LRP1B: variants seen among roughly 807,000 people sequenced by gnomAD.
The protein encoded by LRP1B is LDL receptor related protein 1B.
Under a neutral mutation model 556.6 loss-of-function variants are expected in LRP1B, and 217 were observed. The ratio of observed to expected loss-of-function variants is 0.39; its 90% CI spans 0.35 to 0.44. LRP1B has a LOEUF of 0.44. LRP1B is among the 20% of genes least tolerant of loss of function. The probability of loss-of-function intolerance (pLI) is 1.00; values close to 1 mark genes in which losing one functional copy is unlikely to be tolerated. For missense variants in LRP1B, 5,053 were observed against 5,620.8 expected, an observed-to-expected ratio of 0.90 and a Z score of 3.23; for synonymous variants, 2,047 against 1,865.8, an observed-to-expected ratio of 1.10 and a Z score of -2.50.
intron 1 of LRP1B, among the ~76,000 whole-genome samples, chr2:141,909,083 A>T (rs192708257): frequency 7.6e-4 from 116 of 152,208 alleles, no homozygotes; most frequent in Non-Finnish European, 4.0e-4. Context: ...CAAAGGGTGT[A>T]TTAGGGAAAA....
At chr2:141,331,541 T>TTTCTTTCTTTCTTTCTTTTTCTTTCTTTC (rs141339943) in intron 3 of LRP1B, among the ~76,000 whole-genome samples, 1 of 144,648 alleles carries the variant, frequency 6.9e-6, no homozygotes, top group African/African-American at 2.7e-5. Flanking sequence ...TCTTTCTTTC[T>TTTCTTTCTTTCTTTCTTTTTCTTTCTTTC]TTCTTTCTTT....
chr2:140,532,148 C>T (rs16856029), intron 47 of LRP1B, among the ~76,000 whole-genome samples: 9,206 of 152,034 alleles, frequency 0.061, 462 homozygotes, highest in African/African-American at 0.14. Context: ...AAATGCAAAC[C>T]ATCCTTATTG....
Position 141,377,208 on chromosome 2 carries a change from C to T in LRP1B, c.343+103188G>A, listed in dbSNP as rs548562153. Among the ~76,000 whole-genome samples, 96 of 151,924 alleles carry T rather than the reference C, an allele frequency of 6.3e-4. 1 individual carries two copies. In the South Asian group the frequency reaches 7.5e-3, roughly 12 times the overall value. On this transcript the variant is annotated intron_variant, in intron 3 of 90. Transcript: ENST00000389484. ...CATGTTTCATTCCAAATTTGTTTCC[C>T]GATCAAATATATTTTCGAAATATAT... is the stretch of plus-strand genomic sequence containing the variant.
intron 1 of LRP1B, among the ~76,000 whole-genome samples, chr2:141,987,397 A>G (rs1256742348): frequency 1.3e-5 from 2 of 151,954 alleles, no homozygotes; most frequent in Admixed American, 6.6e-5. Context: ...AGTACCTTCT[A>G]TAAGTGCAAA....
intron 1 of LRP1B, among the ~76,000 whole-genome samples, chr2:141,820,510 A>G (rs1250834714): frequency 6.6e-6 from 1 of 152,202 alleles, no homozygotes; most frequent in Admixed American, 6.5e-5. Flanking sequence ...TCACTCATCT[A>G]TGATAAACCC....
At chr2:141,575,944 T>C (rs547423482) in intron 2 of LRP1B, among the ~76,000 whole-genome samples, 2 of 152,108 alleles carry the variant, frequency 1.3e-5, no homozygotes, top group Non-Finnish European at 2.9e-5. Context: ...AAATAATAGA[T>C]GCTGGCGAGG....
At chr2:141,104,369 T>C (rs1289724275) in intron 7 of LRP1B, among the ~76,000 whole-genome samples, 3 of 152,092 alleles carry the variant, frequency 2.0e-5, no homozygotes, top group Non-Finnish European at 2.9e-5. Context: ...TGTAAATTTC[T>C]TAGAAAGACT....
intron 2 of LRP1B, among the ~76,000 whole-genome samples, chr2:141,701,477 T>C (rs1186301591): frequency 1.3e-5 from 2 of 151,790 alleles, no homozygotes; most frequent in Admixed American, 1.3e-4. Flanking sequence ...CCTTCTATTC[T>C]TATGTCCCTT....
At chr2:140,491,768 T>G (rs955221463) in intron 57 of LRP1B, among the ~76,000 whole-genome samples, 11 of 152,138 alleles carry the variant, frequency 7.2e-5, no homozygotes, top group African/African-American at 2.4e-4. Context: ...ATAAACAACA[T>G]AACAATATTT....
At chr2:141,461,472 A>C (rs942164155) in intron 3 of LRP1B, among the ~76,000 whole-genome samples, 1 of 152,196 alleles carries the variant, frequency 6.6e-6, no homozygotes, top group Non-Finnish European at 1.5e-5. Flanking sequence ...ATAGCATAGT[A>C]GGGAAATGAA....
At chr2:141,506,913 T>C (rs1337981149) in intron 2 of LRP1B, among the ~76,000 whole-genome samples, 2 of 152,140 alleles carry the variant, frequency 1.3e-5, no homozygotes, top group East Asian at 3.8e-4. Context: ...TAAATGATGA[T>C]TCTATGTTCC....
intron 2 of LRP1B, among the ~76,000 whole-genome samples, chr2:141,519,399 A>ATATATATATATG (rs1684453516): frequency 4.2e-5 from 1 of 23,806 alleles, no homozygotes; most frequent in Non-Finnish European, 9.1e-5. Flanking sequence ...ATATATATAT[A>ATATATATATATG]TATGAAATGC....
At chr2:141,207,024 C>CA (rs1326320264) in intron 6 of LRP1B, among the ~76,000 whole-genome samples, 2 of 152,144 alleles carry the variant, frequency 1.3e-5, no homozygotes, top group African/African-American at 4.8e-5. Flanking sequence ...TATTCAGAGT[C>CA]AACTGAAGCA....
At chr2:141,232,954 C>T (rs1683525194) in intron 5 of LRP1B, among the ~76,000 whole-genome samples, 1 of 152,138 alleles carries the variant, frequency 6.6e-6, no homozygotes, top group South Asian at 2.1e-4. Context: ...ACTGGCATAG[C>T]CCTGGCAAAA....
intron 3 of LRP1B, among the ~76,000 whole-genome samples, chr2:141,379,085 C>T (rs185849795): frequency 6.6e-6 from 1 of 152,092 alleles, no homozygotes; most frequent in Admixed American, 6.6e-5. Context: ...TGTCAATAGC[C>T]AGAAAGAAAG....
At chr2:140,255,904 T>A (rs1326220768) in intron 86 of LRP1B, among the ~76,000 whole-genome samples, 1 of 152,168 alleles carries the variant, frequency 6.6e-6, no homozygotes, top group Non-Finnish European at 1.5e-5. Flanking sequence ...TATTCCTTCT[T>A]TCTTTCATTC....
intron 3 of LRP1B, among the ~76,000 whole-genome samples, chr2:141,321,943 T>C (rs1372006848): frequency 6.6e-6 from 1 of 152,090 alleles, no homozygotes; most frequent in African/African-American, 2.4e-5. Context: ...CCCAATAGTA[T>C]GCACTAGAGC....
At chr2:141,945,999 C>A (rs1340454043) in intron 1 of LRP1B, among the ~76,000 whole-genome samples, 1 of 151,912 alleles carries the variant, frequency 6.6e-6, no homozygotes, top group Non-Finnish European at 1.5e-5. Context: ...GCACAGTAGG[C>A]AAGATCTTCC....
intron 66 of LRP1B, among the ~76,000 whole-genome samples, chr2:140,401,002 A>G (rs537986705): frequency 6.6e-6 from 1 of 152,332 alleles, no homozygotes; most frequent in African/African-American, 2.4e-5. Flanking sequence ...AAGGGAAGCC[A>G]TTCCTTATTA....
Sources: allele counts gnomAD v4.1 joint callset (sites outside exome capture counted in the v4.1 genomes callset), GRCh38; gene constraint gnomAD v4.1.1; transcripts MANE v1.5; gene names NCBI Gene and HGNC (gene_info 2026-07-23, HGNC 2026-07-21).